The following CTNNA3 variants were observed in gnomAD, a reference collection of about 807,000 sequenced individuals.
The protein encoded by CTNNA3 is catenin alpha-3.
A neutral mutation model predicts 95.7 loss-of-function variants in CTNNA3; 76 were observed. That is an observed-to-expected ratio of 0.79 (90% CI 0.66 to 0.96). The LOEUF (loss-of-function observed/expected upper bound fraction) is 0.96, where lower values mean the gene tolerates loss of function less well. CTNNA3 is among the 40% of genes least tolerant of loss of function. CTNNA3 has a pLI of 0.00. For missense variants in CTNNA3, 1,191 were observed against 1,089.8 expected, an observed-to-expected ratio of 1.09 and a Z score of -1.31; for synonymous variants, 431 against 374.4, an observed-to-expected ratio of 1.15 and a Z score of -1.74.
chr10:67,480,326 C>T (rs1848170881), intron 5 of CTNNA3, among the ~76,000 whole-genome samples: 1 of 152,136 alleles, frequency 6.6e-6, no homozygotes, highest in South Asian at 2.1e-4. Flanking sequence ...CTGATGAACA[C>T]AGATGTAAAA....
chr10:67,586,882 A>C (rs989597915), intron 3 of CTNNA3, among the ~76,000 whole-genome samples: 1 of 151,366 alleles, frequency 6.6e-6, no homozygotes, highest in African/African-American at 2.4e-5. Context: ...TTTTTCTCTT[A>C]TTGTTTATCA....
At chr10:67,142,431 C>T (rs1051151472) in intron 7 of CTNNA3, among the ~76,000 whole-genome samples, 2 of 151,916 alleles carry the variant, frequency 1.3e-5, no homozygotes, top group African/African-American at 4.8e-5. Context: ...ATGAGTGAAC[C>T]TGCTGGGTTA....
intron 3 of CTNNA3, among the ~76,000 whole-genome samples, chr10:67,582,969 G>A (rs1842464085): frequency 6.6e-6 from 1 of 151,868 alleles, no homozygotes; most frequent in Non-Finnish European, 1.5e-5. Context: ...ACAAGAGATG[G>A]GTTTCCTGAA....
intron 17 of CTNNA3, among the ~76,000 whole-genome samples, chr10:65,952,619 A>G (rs1006213687): frequency 1.3e-5 from 2 of 152,094 alleles, no homozygotes; most frequent in South Asian, 2.1e-4. Context: ...CTCATTAACT[A>G]TTTTCCTTAA....
chr10:67,726,281 A>ATTACATATCATATATGATATTATC (rs1841215073), intron 1 of CTNNA3, among the ~76,000 whole-genome samples: 1 of 92,876 alleles, frequency 1.1e-5, no homozygotes, highest in Non-Finnish European at 1.8e-5. Flanking sequence ...TATATATTAT[A>ATTACATATCATATATGATATTATC]TTACATATTA....
At chr10:66,352,634 T>C (rs12269421) in intron 12 of CTNNA3, among the ~76,000 whole-genome samples, 2,518 of 152,102 alleles carry the variant, frequency 0.017, 64 homozygotes, top group African/African-American at 0.058. Flanking sequence ...AATAATCCTA[T>C]CATGAAATTC....
At chr10:66,360,778 T>C (rs1441384303) in intron 12 of CTNNA3, among the ~76,000 whole-genome samples, 5 of 58,028 alleles carry the variant, frequency 8.6e-5, no homozygotes, top group African/African-American at 2.4e-4. Context: ...CTTTTCTTTC[T>C]TTCTTTCTTC....
chr10:65,980,897 G>A (rs182537884), intron 16 of CTNNA3, among the ~76,000 whole-genome samples: 1 of 152,026 alleles, frequency 6.6e-6, no homozygotes, highest in East Asian at 1.9e-4. Context: ...TACTGAACGG[G>A]GAAAAGTTGA....
rs767799982 is a variant in CTNNA3 at position 65,920,450 on chromosome 10, T to A, written c.2568A>T (p.Lys856Asn). The change falls in exon 18 of 18, where the codon AAA becomes AAT. Residue 856 changes from lysine to asparagine, a missense_variant. Lys to Asn is a moderately conservative substitution (Grantham distance 94). Transcript: ENST00000433211. The part of the protein sequence containing the change: ...VMWRMKAPAK[K>N]PLIKREKPEE... ...CTGGCTTCTCTCTTTTAATCAAGGGTTTTTTTGCAGGAGCCTTCATTCTCC... is the reference window on the plus strand; with the variant it reads ...CTGGCTTCTCTCTTTTAATCAAGGGATTTTTTGCAGGAGCCTTCATTCTCC... 3 of 1,613,932 alleles carry A rather than the reference T, an allele frequency of 1.9e-6. No homozygotes were observed. Among genetic ancestry groups the A allele is most frequent in the Non-Finnish European group, 2.5e-6 (3 of 1,179,926 alleles).
intron 7 of CTNNA3, among the ~76,000 whole-genome samples, chr10:66,856,502 T>C (rs537917996): frequency 6.6e-6 from 1 of 151,920 alleles, no homozygotes; most frequent in Admixed American, 6.6e-5. Flanking sequence ...CTTCCCACAG[T>C]GACTCAACTA....
intron 15 of CTNNA3, among the ~76,000 whole-genome samples, chr10:66,036,710 C>T (rs528965836): frequency 4.7e-4 from 72 of 152,046 alleles, no homozygotes; most frequent in African/African-American, 1.6e-3. Flanking sequence ...TGAGAACAAC[C>T]GTTTTTACTA....
intron 13 of CTNNA3, among the ~76,000 whole-genome samples, chr10:66,111,368 T>C (rs970961231): frequency 2.0e-5 from 3 of 152,184 alleles, no homozygotes; most frequent in Non-Finnish European, 4.4e-5. Flanking sequence ...CTTTTATTTA[T>C]AAATTACCCA....
chr10:67,562,569 A>C (rs1240914268), intron 3 of CTNNA3, among the ~76,000 whole-genome samples: 2 of 152,188 alleles, frequency 1.3e-5, no homozygotes, highest in Non-Finnish European at 2.9e-5. Flanking sequence ...TTCCCTTTGA[A>C]AACTGGCACA....
chr10:66,508,210 G>GTTTTTTTTTTTTTTTAACAATTTTTTTTT (rs756807793), intron 11 of CTNNA3, among the ~76,000 whole-genome samples: 1 of 108,424 alleles, frequency 9.2e-6, no homozygotes, highest in African/African-American at 3.5e-5. Context: ...TTTGTTTTCT[G>GTTTTTTTTTTTTTTTAACAATTTTTTTTT]TTTTTTTTTT....
At chr10:67,014,054 A>C (rs74737936) in intron 7 of CTNNA3, among the ~76,000 whole-genome samples, 2,468 of 152,270 alleles carry the variant, frequency 0.016, 84 homozygotes, top group African/African-American at 0.055. Context: ...GAGTGTAAAA[A>C]ATAACCTTTT....
At chr10:67,685,812 C>T (rs1840720756) in intron 1 of CTNNA3, among the ~76,000 whole-genome samples, 1 of 152,104 alleles carries the variant, frequency 6.6e-6, no homozygotes, top group Admixed American at 6.5e-5. Context: ...TTCTCTCTGA[C>T]TCCCTCTTTG....
chr10:67,555,957 G>A (rs1327921019), intron 3 of CTNNA3, among the ~76,000 whole-genome samples: 1 of 152,142 alleles, frequency 6.6e-6, no homozygotes, highest in Non-Finnish European at 1.5e-5. Context: ...AGAGTTTTTA[G>A]CATGAAGGGT....
At chr10:65,972,075 C>A (rs563344259) in intron 16 of CTNNA3, among the ~76,000 whole-genome samples, 2 of 152,144 alleles carry the variant, frequency 1.3e-5, no homozygotes, top group East Asian at 3.9e-4. Context: ...ATTATTTCAA[C>A]AGATGTGGGA....
intron 12 of CTNNA3, among the ~76,000 whole-genome samples, chr10:66,282,838 T>G (rs964657030): frequency 6.6e-6 from 1 of 151,902 alleles, no homozygotes; most frequent in Admixed American, 6.6e-5. Context: ...TTTGTTTATA[T>G]CCTAAGTGCA....
Sources: allele counts gnomAD v4.1 joint callset (sites outside exome capture counted in the v4.1 genomes callset), GRCh38; gene constraint gnomAD v4.1.1; transcripts MANE v1.5; gene names NCBI Gene and HGNC (gene_info 2026-07-23, HGNC 2026-07-21).